Variants in TRPC3 observed in about 807,000 individuals in gnomAD.
TRPC3 encodes the protein transient receptor potential cation channel subfamily C member 3, also known as short transient receptor potential channel 3.
In TRPC3, 54 loss-of-function variants were observed where a neutral mutation model predicts 90.9. The ratio of observed to expected loss-of-function variants is 0.59; its 90% CI spans 0.48 to 0.75. The LOEUF (loss-of-function observed/expected upper bound fraction) is 0.75, where lower values mean the gene tolerates loss of function less well. TRPC3 is among the 30% of genes least tolerant of loss of function. The pLI, the probability that TRPC3 is intolerant of heterozygous loss-of-function variation, is 0.00. For missense variants in TRPC3, 918 were observed against 1,194.5 expected (o/e 0.77, Z 3.41); for synonymous variants, 424 against 450.9 (o/e 0.94, Z 0.75).
At chr4:121,898,089 A>G (rs941108175) in intron 10 of TRPC3, among the ~76,000 whole-genome samples, 30 of 152,202 alleles carry the variant, frequency 2.0e-4, no homozygotes, top group African/African-American at 6.8e-4. Flanking sequence ...TCATAAACTC[A>G]TATGTGGAAG....
intron 1 of TRPC3, among the ~76,000 whole-genome samples, chr4:121,934,064 A>G (rs1009325411): frequency 6.6e-6 from 1 of 152,228 alleles, no homozygotes; most frequent in Non-Finnish European, 1.5e-5. Flanking sequence ...ATCAATGCGC[A>G]CTGAAATCCT....
chr4:121,933,019 A>C lies in TRPC3; in HGVS notation c.239T>G (p.Leu80Arg). ...CTCCCGCATCACTGTCATGCGTCTCAGGGATGGGCTTCCCTCCATGGACCT... is the reference window on the plus strand; with the variant it reads ...CTCCCGCATCACTGTCATGCGTCTCCGGGATGGGCTTCCCTCCATGGACCT... ...PDLSMEGSPS[L>R]RRMTVMREKG... The change falls in exon 2 of 12, where the codon CTG (leucine) becomes CGG (arginine). Residue 80 changes from leucine to arginine, a missense_variant. Coordinates refer to ENST00000379645, the MANE Select transcript of TRPC3 (RefSeq NM_001130698.2). 1 of 1,594,196 alleles carries C rather than the reference A, an allele frequency of 6.3e-7. No individual in the cohort carries two copies. The highest frequency in any genetic ancestry group is 8.6e-7 in the Non-Finnish European group (1 of 1,168,728).
rs951449055 is a variant in TRPC3 at position 121,951,028 on chromosome 4, G to T, written c.215+438C>A. 6.6e-6 allele frequency among the ~76,000 whole-genome samples: 1 copy of T among 152,186 alleles called. No homozygotes were observed. Among genetic ancestry groups the T allele is most frequent in the Non-Finnish European group, 1.5e-5 (1 of 68,038 alleles). On this transcript the variant is annotated intron_variant, in intron 1 of 11. Coordinates refer to ENST00000379645, the MANE Select transcript of TRPC3 (RefSeq NM_001130698.2). The surrounding 1 kb of genome is among the most constrained non-coding windows in gnomAD (Gnocchi z 4.4). The stretch of plus-strand genomic sequence containing the variant: ...GGAGGAGTTCAGGGTTCAAGTGCGC[G>T]CCTGGGTCTGTGCACATCTTCCCCT...
chr4:121,877,734 G>GA lies in TRPC3; in HGVS notation c.*2001dup, dbSNP rs1485683720. ...TACCAGTTTGTACATAGTAAATAAA[G>GA]AAAAAATGCCTGTTAAGAGCTCTAC... On this transcript the variant is annotated 3_prime_UTR_variant, in exon 12 of 12. Transcript: ENST00000379645. Among the ~76,000 whole-genome samples the GA allele has an allele frequency of 2.6e-5, 3 of 117,478 alleles. No homozygotes were observed. The highest frequency in any genetic ancestry group is 2.5e-4 in the East Asian group (1 of 4,068). 77.1% of individuals were successfully genotyped at this position (117,478 alleles called of 152,430 possible). A position where few individuals can be genotyped will look rare whatever the true frequency, so the allele number is the denominator to read the frequency against.
chr4:121,904,331 T>C lies in TRPC3; in HGVS notation c.2244A>G (p.Gln748=). 6.3e-7 allele frequency: 1 copy of C among 1,597,590 alleles called. No homozygotes were observed. The highest frequency in any genetic ancestry group is 2.2e-5 in the East Asian group (1 of 44,604). The change falls in exon 8 of 12, where the codon CAA becomes CAG. Residue 748 remains glutamine (Q), a synonymous_variant. Transcript: ENST00000379645. Reference sequence around the variant, plus strand: ...TAGAAAACCGATTTACCTCAATTTCTTGATATGAGCTATTAATCATAGCAA... The same window carrying C: ...TAGAAAACCGATTTACCTCAATTTCCTGATATGAGCTATTAATCATAGCAA... ...MLIAMINSSY[Q]EIEDDSDVEW...
rs570364616 is a variant in TRPC3, at chr4:121,875,997, C to T, written c.*3739G>A. On this transcript the variant is annotated 3_prime_UTR_variant, in exon 12 of 12. Transcript: ENST00000379645. ...CACTGCAGCCTCAACTTCCTGGGCT[C>T]AAGTTATCCTCTCACCCCAGCCTCC... Among the ~76,000 whole-genome samples, 2 of 144,514 alleles carry T rather than the reference C, an allele frequency of 1.4e-5. No individual in the cohort carries two copies. Among genetic ancestry groups the T allele is most frequent in the Admixed American group, 1.5e-4 (2 of 13,600 alleles). The allele number at this position is 144,514 out of a possible 152,430, so 94.8% of individuals were successfully genotyped here. A position where few individuals can be genotyped will look rare whatever the true frequency, so the allele number is the denominator to read the frequency against.
At position 121,881,879 on chromosome 4, in the gene TRPC3, G is replaced by A. The variant is rs193081558; in HGVS notation, c.2623+475C>T. Among the ~76,000 whole-genome samples, 3 of 152,222 alleles carry A rather than the reference G, an allele frequency of 2.0e-5. No homozygotes were observed. In the East Asian group the frequency reaches 5.8e-4, roughly 29 times the overall value. On this transcript the variant is annotated intron_variant, in intron 11 of 11. Transcript: ENST00000379645. ...TTGCTTAAAGTAAGGAGGCAGGGGG[G>A]AAAGTGAAATTCAAAAGAGACGCAC...
chr4:121,921,976 T>C (rs1404391890), intron 3 of TRPC3, among the ~76,000 whole-genome samples: 2 of 149,956 alleles, frequency 1.3e-5, no homozygotes, highest in Non-Finnish European at 3.0e-5. Flanking sequence ...TGCAGTGCAG[T>C]GGCGTGATCT....
At position 121,929,013 on chromosome 4, in the gene TRPC3, C is replaced by G. The variant is rs1347029380; in HGVS notation, c.987+3258G>C. On this transcript the variant is annotated intron_variant, in intron 2 of 11. Coordinates refer to ENST00000379645, the MANE Select transcript of TRPC3 (RefSeq NM_001130698.2). Reference sequence around the variant, plus strand: ...TGTGATATTGTGGAATTCACTTTACCTCTCTGACATGAATAATCCTACCCA... The same window carrying G: ...TGTGATATTGTGGAATTCACTTTACGTCTCTGACATGAATAATCCTACCCA... Among the ~76,000 whole-genome samples the G allele has an allele frequency of 2.0e-5, 3 of 152,148 alleles. No homozygotes were observed. In the East Asian group the frequency reaches 5.8e-4, roughly 29 times the overall value.
chr4:121,935,183 G>A (rs1730088510), intron 1 of TRPC3, among the ~76,000 whole-genome samples: 1 of 152,008 alleles, frequency 6.6e-6, no homozygotes, highest in East Asian at 1.9e-4. Flanking sequence ...TAAAATTAAT[G>A]TTTTAAATTT....
chr4:121,898,262 C>T lies in TRPC3; in HGVS notation c.2547+1350G>A, dbSNP rs1728585456. Among the ~76,000 whole-genome samples the T allele has an allele frequency of 5.3e-5, 8 of 152,272 alleles. No individual in the cohort carries two copies. The South Asian group carries it at 1.7e-3, about 32-fold the overall frequency. ...AGTGTTCTACACCAGGAGTCCCCAA[C>T]CCGCAGATGAAGGACTGGCATCTGT... On this transcript the variant is annotated intron_variant, in intron 10 of 11. Transcript: ENST00000379645.
chr4:121,935,951 C>T (rs1454103908), intron 1 of TRPC3, among the ~76,000 whole-genome samples: 1 of 152,052 alleles, frequency 6.6e-6, no homozygotes, highest in Non-Finnish European at 1.5e-5. Flanking sequence ...CTTCTTATTC[C>T]TTCAAAAGCT....
At chr4:121,907,267 C>T (rs1309916972) in intron 7 of TRPC3, 36 bp downstream of exon 7, 2 of 1,536,042 alleles carry the variant, frequency 1.3e-6, no homozygotes, top group East Asian at 2.3e-5. Flanking sequence ...TAGAATTTCT[C>T]TTTATCATAC....
intron 3 of TRPC3, among the ~76,000 whole-genome samples, chr4:121,918,106 C>T (rs1025814460): frequency 8.5e-5 from 13 of 152,110 alleles, no homozygotes; most frequent in South Asian, 2.1e-4. Flanking sequence ...TATTAAGACG[C>T]CTATAAAAAA....
chr4:121,902,870 C>T lies in TRPC3; in HGVS notation c.2445G>A (p.Met815Ile). The change falls in exon 9 of 12, where the codon ATG becomes ATA. Residue 815 changes from methionine (M) to isoleucine (I), a missense_variant. Around this residue, in one of 4 missense-constraint regions of TRPC3, gnomAD observed 121 missense variants for 135.7 expected, o/e 0.89. Transcript: ENST00000379645. The stretch of plus-strand genomic sequence containing the variant: ...TACCTACCCTGGACTTTGAGTTACC[C>T]ATTCCCATTTCTATATCCTTCTGAA... ...RRLQKDIEMG[M>I]GNSKSRLNLF... 6.2e-7 allele frequency: 1 copy of T among 1,610,032 alleles called. No individual in the cohort carries two copies. The highest frequency in any genetic ancestry group is 8.5e-7 in the Non-Finnish European group (1 of 1,178,434).
chr4:121,876,340 A>AC lies in TRPC3; in HGVS notation c.*3395dup, dbSNP rs1727761984. ...TTAAAAAGACATGGAAAGAAAGATT[A>AC]CCACCTTGGATGATGACATTAACCT... On this transcript the variant is annotated 3_prime_UTR_variant, in exon 12 of 12. Transcript: ENST00000379645. Among the ~76,000 whole-genome samples the AC allele has an allele frequency of 6.6e-6, 1 of 152,136 alleles. No homozygotes were observed. Among genetic ancestry groups the AC allele is most frequent in the African/African-American group, 2.4e-5 (1 of 41,422 alleles).
Position 121,874,859 on chromosome 4 carries a change from A to G in TRPC3, c.*4877T>C, listed in dbSNP as rs1727722159. On this transcript the variant is annotated 3_prime_UTR_variant, in exon 12 of 12. Transcript: ENST00000379645. ...GAAACCACAAAGGAAAAAAGCAGATATGGTGTTACATGCCTGTAGTCTCAG... is the reference window on the plus strand; with the variant it reads ...GAAACCACAAAGGAAAAAAGCAGATGTGGTGTTACATGCCTGTAGTCTCAG... Among the ~76,000 whole-genome samples the G allele has an allele frequency of 6.6e-6, 1 of 152,140 alleles. No individual in the cohort carries two copies. Among genetic ancestry groups the G allele is most frequent in the Non-Finnish European group, 1.5e-5 (1 of 68,008 alleles).
chr4:121,925,931 C>T (rs1357702220), intron 2 of TRPC3, among the ~76,000 whole-genome samples: 1 of 152,080 alleles, frequency 6.6e-6, no homozygotes, highest in African/African-American at 2.4e-5. Flanking sequence ...TCTTGTAAAG[C>T]CAAAACAAGA....
At chr4:121,913,757 G>C (rs1251418421) in intron 4 of TRPC3, among the ~76,000 whole-genome samples, 2 of 152,158 alleles carry the variant, frequency 1.3e-5, no homozygotes, top group African/African-American at 4.8e-5. Flanking sequence ...AAAGAACTTG[G>C]CTGAGTCATC....
Sources: gnomAD v4.1 joint callset for allele counts (sites outside exome capture counted in the v4.1 genomes callset) on GRCh38, gnomAD v4.1.1 for gene constraint, gnomAD v4.1.1 regional missense constraint, Gnocchi (gnomAD v3.1) non-coding constraint, MANE v1.5 for transcripts, NCBI Gene and HGNC (gene_info 2026-07-23, HGNC 2026-07-21) for gene names.